The following CCSER1 variants were observed in gnomAD, a reference collection of about 807,000 sequenced individuals.
CCSER1 encodes the protein coiled-coil serine rich protein 1, also known as serine-rich coiled-coil domain-containing protein 1.
Under a neutral mutation model 82.0 loss-of-function variants are expected in CCSER1, and 41 were observed. The ratio of observed to expected loss-of-function variants is 0.50; its 90% confidence interval spans 0.39 to 0.65. CCSER1 has a LOEUF of 0.65. Among genes scored for constraint, CCSER1 ranks in the 30% least tolerant of loss-of-function variants. The pLI, the probability that CCSER1 is intolerant of heterozygous loss-of-function variation, is 0.00. For synonymous variants in CCSER1, 414 were observed against 383.9 expected, an observed-to-expected ratio of 1.08 and a Z score of -0.92; for missense variants, 1,119 against 1,064.2, an observed-to-expected ratio of 1.05 and a Z score of -0.72.
intron 7 of CCSER1, among the ~76,000 whole-genome samples, chr4:90,811,830 G>T (rs1298184905): frequency 4.0e-5 from 6 of 151,518 alleles, no homozygotes; most frequent in Non-Finnish European, 5.9e-5. Context: ...GATAATTCTG[G>T]ATTAGCTAGT....
At chr4:91,244,151 T>G (rs959635526) in intron 10 of CCSER1, among the ~76,000 whole-genome samples, 15 of 152,080 alleles carry the variant, frequency 9.9e-5, no homozygotes, top group Non-Finnish European at 1.6e-4. Context: ...GTGGTTTTGG[T>G]GATGGCCCCA....
intron 6 of CCSER1, among the ~76,000 whole-genome samples, chr4:90,721,068 A>T (rs1742593610): frequency 6.6e-6 from 1 of 152,048 alleles, no homozygotes. Context: ...TAACCAGAAT[A>T]TTTATAATAT....
At chr4:91,542,346 G>A (rs1761647610) in intron 10 of CCSER1, among the ~76,000 whole-genome samples, 1 of 152,036 alleles carries the variant, frequency 6.6e-6, no homozygotes, top group Admixed American at 6.6e-5. Context: ...TTCTTCCAGG[G>A]TTTTTATGGT....
chr4:91,172,751 G>A (rs1732893176), intron 10 of CCSER1, among the ~76,000 whole-genome samples: 1 of 152,068 alleles, frequency 6.6e-6, no homozygotes, highest in Non-Finnish European at 1.5e-5. Context: ...GGGGGATGAA[G>A]AAAATAAAAT....
intron 8 of CCSER1, among the ~76,000 whole-genome samples, chr4:90,831,907 A>T (rs114460715): frequency 6.6e-6 from 1 of 151,890 alleles, no homozygotes; most frequent in Non-Finnish European, 1.5e-5. Context: ...CCCTCCTCCA[A>T]TTTTTATATA....
At chr4:90,962,174 C>G (rs1257976631) in intron 9 of CCSER1, among the ~76,000 whole-genome samples, 1 of 151,882 alleles carries the variant, frequency 6.6e-6, no homozygotes, top group Non-Finnish European at 1.5e-5. Context: ...TCAGATCTTG[C>G]CAACTCACAG....
At chr4:91,039,021 A>T (rs1410886181) in intron 9 of CCSER1, among the ~76,000 whole-genome samples, 1 of 151,994 alleles carries the variant, frequency 6.6e-6, no homozygotes, top group Non-Finnish European at 1.5e-5. Flanking sequence ...TCATTTACAT[A>T]TTCCTTTTTT....
At position 90,152,138 on chromosome 4, in the gene CCSER1, G is replaced by C. The variant is rs143998812; in HGVS notation, c.-42+24307G>C. 6.0e-3 allele frequency among the ~76,000 whole-genome samples: 907 copies of C among 152,170 alleles called. 13 individuals carry two copies. The highest frequency in any genetic ancestry group is 0.021 in the African/African-American group (853 of 41,512). ...ATTTCTTAGCTTGTGTCACTAAAAG[G>C]GTGAGCACAGACACAGTTCATTAGA... On this transcript the variant is annotated intron_variant, in intron 1 of 10. Transcript: ENST00000509176.
chr4:90,399,800 G>GA (rs970178723), intron 3 of CCSER1, among the ~76,000 whole-genome samples: 8 of 151,056 alleles, frequency 5.3e-5, no homozygotes, highest in South Asian at 2.1e-4. Flanking sequence ...CATTAAAAAA[G>GA]AAAAAAAATG....
At chr4:91,378,637 T>A (rs1223065454) in intron 10 of CCSER1, among the ~76,000 whole-genome samples, 1 of 152,178 alleles carries the variant, frequency 6.6e-6, no homozygotes, top group Non-Finnish European at 1.5e-5. Flanking sequence ...TTATCAGCTG[T>A]AGGAGATTTT....
chr4:90,865,174 G>A (rs1765579384), intron 8 of CCSER1, among the ~76,000 whole-genome samples: 2 of 151,972 alleles, frequency 1.3e-5, no homozygotes, highest in African/African-American at 4.8e-5. Flanking sequence ...TTGTAATACG[G>A]CTTGCTCAGT....
chr4:90,701,614 T>C (rs1442810444), intron 6 of CCSER1, among the ~76,000 whole-genome samples: 1 of 152,224 alleles, frequency 6.6e-6, no homozygotes, highest in Admixed American at 6.5e-5. Flanking sequence ...TTCCTACCCA[T>C]GAGCATGGAA....
intron 10 of CCSER1, among the ~76,000 whole-genome samples, chr4:91,391,766 G>T (rs1222634031): frequency 6.6e-6 from 1 of 152,006 alleles, no homozygotes; most frequent in Non-Finnish European, 1.5e-5. Flanking sequence ...CCCAGAATTT[G>T]GTCTGTTTTA....
At chr4:90,900,910 T>C (rs1281407679) in intron 8 of CCSER1, among the ~76,000 whole-genome samples, 3 of 151,994 alleles carry the variant, frequency 2.0e-5, no homozygotes, top group African/African-American at 4.8e-5. Context: ...CCCACTACTA[T>C]TGGATGACTG....
chr4:90,559,938 C>A (rs1003483185), intron 5 of CCSER1, among the ~76,000 whole-genome samples: 1 of 147,870 alleles, frequency 6.8e-6, no homozygotes, highest in African/African-American at 2.5e-5. Context: ...GGTGAAAGAG[C>A]AAGAACCTTT....
intron 10 of CCSER1, among the ~76,000 whole-genome samples, chr4:91,543,860 TG>T (rs1408528218): frequency 6.6e-6 from 1 of 152,236 alleles, no homozygotes; most frequent in Non-Finnish European, 1.5e-5. Context: ...CTTGCTTGGT[TG>T]GGGAAGTTCT....
intron 1 of CCSER1, among the ~76,000 whole-genome samples, chr4:90,305,703 A>G (rs1011616267): frequency 6.6e-6 from 1 of 152,216 alleles, no homozygotes; most frequent in African/African-American, 2.4e-5. Flanking sequence ...TCATATGGAG[A>G]AAAGGGAACT....
At chr4:90,360,565 G>A (rs1424775373) in intron 3 of CCSER1, among the ~76,000 whole-genome samples, 1 of 123,386 alleles carries the variant, frequency 8.1e-6, no homozygotes, top group Non-Finnish European at 1.6e-5. Context: ...GGACGACAGA[G>A]CGAGACTCCG....
At chr4:90,696,398 A>AT (rs34115601) in intron 6 of CCSER1, among the ~76,000 whole-genome samples, 18 of 151,320 alleles carry the variant, frequency 1.2e-4, no homozygotes, top group Admixed American at 2.6e-4. Context: ...GAAACTGGTA[A>AT]TTTTTTTTTA....
Sources: allele counts gnomAD v4.1 joint callset (sites outside exome capture counted in the v4.1 genomes callset), GRCh38; gene constraint gnomAD v4.1.1; transcripts MANE v1.5; gene names NCBI Gene and HGNC (gene_info 2026-07-23, HGNC 2026-07-21).